Variants in KLK3 observed in about 807,000 individuals in gnomAD.
The protein encoded by KLK3 is kallikrein related peptidase 3, also known as prostate-specific antigen.
In KLK3, 23 loss-of-function variants were observed where a neutral mutation model predicts 27.7. That is an observed-to-expected ratio of 0.83 (90% CI 0.60 to 1.17). The LOEUF is 1.17. KLK3 is among the 50% of genes most tolerant of loss of function. KLK3 has a pLI of 0.00. For synonymous variants in KLK3, 142 were observed against 134.2 expected, an observed-to-expected ratio of 1.06 and a Z score of -0.40; for missense variants, 322 against 338.1, an observed-to-expected ratio of 0.95 and a Z score of 0.37.
chr19:50,856,714 A>G (rs2090149756), intron 2 of KLK3: 1 of 292,332 alleles, frequency 3.4e-6, no homozygotes, highest in Non-Finnish European at 6.4e-6. Context: ...CAGTCTCCAT[A>G]TCTCCCCCTC....
rs2090180256 is a variant in KLK3 at position 50,860,682 on chromosome 19, G to C, written c.*555G>C. The C allele has an allele frequency of 6.6e-6, 1 of 152,222 alleles. No individual in the cohort carries two copies. The highest frequency in any genetic ancestry group is 1.5e-5 in the Non-Finnish European group (1 of 68,136). The allele number at this position is 152,222 out of a possible 1,614,324, so 9.4% of individuals were successfully genotyped here. A position where few individuals can be genotyped will look rare whatever the true frequency, so the allele number is the denominator to read the frequency against. On this transcript the variant is annotated 3_prime_UTR_variant, in exon 5 of 5. Transcript: ENST00000326003. Reference sequence around the variant, plus strand: ...TGGAAGCTGATTCACTATGGGGGGAGGTGTATTGAAGTCCTCCAGACAACC... The same window carrying C: ...TGGAAGCTGATTCACTATGGGGGGACGTGTATTGAAGTCCTCCAGACAACC...
rs1271821457 is a variant in KLK3 at position 50,856,240 on chromosome 19, G to A, written c.47G>A (p.Gly16Asp). ...CCCTGATCTAGCACCCCCTCTGCAG[G>A]TGCTGCACCCCTCATCCTGTCTCGG... ...VFLTLSVTWI[G>D]AAPLILSRIV... The change falls in exon 2 of 5, where the codon GGT becomes GAT. Residue 16 changes from glycine to aspartate, a missense_variant and splice_region_variant. Transcript: ENST00000326003. 3.1e-6 allele frequency: 5 copies of A among 1,611,362 alleles called. No individual in the cohort carries two copies. The highest frequency in any genetic ancestry group is 3.4e-6 in the Non-Finnish European group (4 of 1,179,338).
Position 50,860,202 on chromosome 19 carries a change from G to A in KLK3, c.*75G>A. On this transcript the variant is annotated 3_prime_UTR_variant, in exon 5 of 5. Coordinates refer to ENST00000326003, the MANE Select transcript of KLK3 (RefSeq NM_001648.2). Reference sequence around the variant, plus strand: ...CCAGGCCAAGACTCAAGCCTCCCCAGTTCTACTGACCTTTGTCCTTAGGTG... The same window carrying A: ...CCAGGCCAAGACTCAAGCCTCCCCAATTCTACTGACCTTTGTCCTTAGGTG... 1.7e-6 allele frequency: 2 copies of A among 1,158,476 alleles called. No individual in the cohort carries two copies. The highest frequency in any genetic ancestry group is 2.5e-6 in the Non-Finnish European group (2 of 789,500). The allele number at this position is 1,158,476 out of a possible 1,614,324, so 71.8% of individuals were successfully genotyped here. A position where few individuals can be genotyped will look rare whatever the true frequency, so the allele number is the denominator to read the frequency against.
intron 2 of KLK3, chr19:50,856,750 T>G: frequency 4.2e-6 from 1 of 236,680 alleles, no homozygotes; most frequent in Non-Finnish European, 8.2e-6. Flanking sequence ...GGTCCCTCTC[T>G]AGCCAGTGTG....
chr19:50,859,346 C>T (rs879423253), intron 4 of KLK3, among the ~76,000 whole-genome samples: 57 of 137,504 alleles, frequency 4.1e-4, no homozygotes, highest in Middle Eastern at 3.6e-3. Context: ...CAGAGGCTGC[C>T]GCTGGCCTCC....
rs1207890246 is a variant in KLK3, at chr19:50,858,453, C to T, written c.494-6C>T. On this transcript the variant is annotated splice_polypyrimidine_tract_variant and splice_region_variant and intron_variant, in intron 3 of 4. Coordinates refer to ENST00000326003, the MANE Select transcript of KLK3 (RefSeq NM_001648.2). ...GCCCACAACAGTGTTTTTGCCTGGCCCGTAGTCTTGACCCCAAAGAAACTT... is the reference window on the plus strand; with the variant it reads ...GCCCACAACAGTGTTTTTGCCTGGCTCGTAGTCTTGACCCCAAAGAAACTT... 1 of 1,613,990 alleles carries T rather than the reference C, an allele frequency of 6.2e-7. No homozygotes were observed. The highest frequency in any genetic ancestry group is 8.5e-7 in the Non-Finnish European group (1 of 1,179,994).
rs1370979862 is a variant in KLK3 at position 50,858,606 on chromosome 19, C to T, written c.630+11C>T. The T allele has an allele frequency of 2.5e-6, 4 of 1,613,976 alleles. No homozygotes were observed. The highest frequency in any genetic ancestry group is 3.4e-6 in the Non-Finnish European group (4 of 1,179,946). Reference sequence around the variant, plus strand: ...AAAAGCACCTGCTCGGTGAGTCATCCCTACTCCCAAGATCTTGAGGGGAAA... The same window carrying T: ...AAAAGCACCTGCTCGGTGAGTCATCTCTACTCCCAAGATCTTGAGGGGAAA... On this transcript the variant is annotated intron_variant, in intron 4 of 4. Transcript: ENST00000326003.
Position 50,860,443 on chromosome 19 carries a change from A to C in KLK3, c.*316A>C, listed in dbSNP as rs1344892535. 1 of 237,314 alleles carries C rather than the reference A, an allele frequency of 4.2e-6. No individual in the cohort carries two copies. The highest frequency in any genetic ancestry group is 8.2e-6 in the Non-Finnish European group (1 of 121,666). 14.7% of individuals were successfully genotyped at this position (237,314 alleles called of 1,614,324 possible). A position where few individuals can be genotyped will look rare whatever the true frequency, so the allele number is the denominator to read the frequency against. On this transcript the variant is annotated 3_prime_UTR_variant, in exon 5 of 5. Coordinates refer to ENST00000326003, the MANE Select transcript of KLK3 (RefSeq NM_001648.2). Reference sequence around the variant, plus strand: ...AGAGGGGTGGGATCCACACTGAGAGAGTGGAGAGTGACATGTGCTGGACAC... The same window carrying C: ...AGAGGGGTGGGATCCACACTGAGAGCGTGGAGAGTGACATGTGCTGGACAC...
At chr19:50,857,840 C>G in intron 2 of KLK3, 189 bp from the exon 3 acceptor site, 38 of 571,314 alleles carry the variant, frequency 6.7e-5, no homozygotes, top group East Asian at 1.8e-4. Flanking sequence ...TCTGTATCTG[C>G]CCTTCACCCT....
chr19:50,856,652 G>T (rs2090149365), intron 2 of KLK3: 4 of 462,370 alleles, frequency 8.7e-6, no homozygotes, highest in Non-Finnish European at 1.5e-5. Context: ...GGCTTCGGTT[G>T]TGTCTCTCCG....
Position 50,859,985 on chromosome 19 carries a change from GC to G in KLK3, c.647del (p.Pro216HisfsTer63). ...TTTTACCCTTAGGGTGATTCTGGGGGCCCACTTGTCTGTAATGGTGTGCTTC... is the reference window on the plus strand; with the variant it reads ...TTTTACCCTTAGGGTGATTCTGGGGGCCACTTGTCTGTAATGGTGTGCTTC... The part of the protein sequence containing the change: ...GKSTCSGDSG[G>X]PLVCNGVLQG... On this transcript the variant is annotated frameshift_variant, in exon 5 of 5. Coordinates refer to ENST00000326003, the MANE Select transcript of KLK3 (RefSeq NM_001648.2). LOFTEE classifies it high-confidence loss of function. 1 of 1,612,822 alleles carries G rather than the reference GC, an allele frequency of 6.2e-7. No homozygotes were observed. The highest frequency in any genetic ancestry group is 1.3e-5 in the African/African-American group (1 of 75,034).
intron 2 of KLK3, 89 bp downstream of exon 2, chr19:50,856,488 C>T: frequency 6.7e-7 from 1 of 1,488,498 alleles, no homozygotes; most frequent in Non-Finnish European, 9.1e-7. Context: ...CCTCTAAGGC[C>T]AGCCTTGGGA....
intron 2 of KLK3, 145 bp from the exon 3 acceptor site, chr19:50,857,884 T>C (rs2090158971): frequency 2.6e-6 from 2 of 772,328 alleles, no homozygotes; most frequent in Middle Eastern, 3.2e-4. Flanking sequence ...GTTGTCTGTA[T>C]TTTTGGCCTG....
chr19:50,859,656 A>T, intron 4 of KLK3: 1 of 1,607,260 alleles, frequency 6.2e-7, no homozygotes, highest in South Asian at 1.1e-5. Flanking sequence ...GTGAGGAGCC[A>T]CGGGGACAGC....
intron 2 of KLK3, 175 bp from the exon 3 acceptor site, chr19:50,857,854 A>T: frequency 1.6e-6 from 1 of 627,236 alleles, no homozygotes; most frequent in South Asian, 2.1e-5. Flanking sequence ...TCACCCTCTC[A>T]CACTGCTGTT....
intron 2 of KLK3, 129 bp downstream of exon 2, chr19:50,856,528 G>GGTC (rs928888417): frequency 5.9e-6 from 7 of 1,182,788 alleles, no homozygotes; most frequent in Non-Finnish European, 8.2e-6. Context: ...TTCTGGTTCA[G>GGTC]GTCACATGGG....
Position 50,860,303 on chromosome 19 carries a change from TTGTCCTCTCTG to T in KLK3, c.*183_*193del. 1 of 538,156 alleles carries T rather than the reference TTGTCCTCTCTG, an allele frequency of 1.9e-6. No individual in the cohort carries two copies. Among genetic ancestry groups the T allele is most frequent in the South Asian group, 3.0e-5 (1 of 33,470 alleles). The allele number at this position is 538,156 out of a possible 1,614,324, so 33.3% of individuals were successfully genotyped here. On this transcript the variant is annotated 3_prime_UTR_variant, in exon 5 of 5. Coordinates refer to ENST00000326003, the MANE Select transcript of KLK3 (RefSeq NM_001648.2). ...AGAGTGTTTCTTAAATGGTGTAATTTTGTCCTCTCTGTGTCCTGGGGAATACTGGCCATGCC... is the reference window on the plus strand; with the variant it reads ...AGAGTGTTTCTTAAATGGTGTAATTTTGTCCTGGGGAATACTGGCCATGCC...
chr19:50,858,000 C>A, intron 2 of KLK3, 29 bp from the exon 3 acceptor site: 3 of 1,584,868 alleles, frequency 1.9e-6, no homozygotes, highest in Non-Finnish European at 2.6e-6. Context: ...CATCCTCGCT[C>A]CTCATTCCTG....
chr19:50,859,617 T>G (rs2090171935), intron 4 of KLK3: 2 of 1,613,458 alleles, frequency 1.2e-6, no homozygotes, highest in Non-Finnish European at 1.7e-6. Flanking sequence ...AGGTGTCTAG[T>G]CAGAGAGTAG....
Sources: allele counts gnomAD v4.1 joint callset (sites outside exome capture counted in the v4.1 genomes callset), GRCh38; gene constraint gnomAD v4.1.1; transcripts MANE v1.5; gene names NCBI Gene and HGNC (gene_info 2026-07-23, HGNC 2026-07-21).